MICALL1: variants seen among roughly 807,000 people sequenced by gnomAD.
MICALL1 encodes MICAL-like protein 1.
A neutral mutation model predicts 83.7 loss-of-function variants in MICALL1; 61 were observed. The observed-to-expected ratio is 0.73, with a 90% CI of 0.59 to 0.90. The LOEUF is 0.90. Ranked by LOEUF, MICALL1 falls within the 40% of genes least tolerant of loss-of-function variation. The pLI is 0.00. For synonymous variants in MICALL1, 481 were observed against 473.6 expected (o/e 1.02, Z -0.20); for missense variants, 1,066 against 1,152.0 (o/e 0.93, Z 1.08).
chr22:37,926,081 C>T (rs1384413087), intron 8 of MICALL1, 38 bp downstream of exon 8: 1 of 1,543,032 alleles, frequency 6.5e-7, no homozygotes, highest in Non-Finnish European at 8.7e-7. Context: ...ACAGTCGGAA[C>T]TCGGGGGTGG....
At chr22:37,931,977 C>A in intron 10 of MICALL1, 44 bp downstream of exon 10, 1 of 1,600,082 alleles carries the variant, frequency 6.2e-7, no homozygotes, top group Non-Finnish European at 8.5e-7. Context: ...CCTGGGCTGG[C>A]AACCCCCACT....
chr22:37,932,947 C>T lies in MICALL1; in HGVS notation c.2234+59C>T. 2.5e-6 allele frequency: 4 copies of T among 1,612,054 alleles called. No individual in the cohort carries two copies. Among genetic ancestry groups the T allele is most frequent in the South Asian group, 1.1e-5 (1 of 91,052 alleles). On this transcript the variant is annotated intron_variant, in intron 12 of 15. Coordinates refer to ENST00000215957, the MANE Select transcript of MICALL1 (RefSeq NM_033386.4). This position sits in a 1 kb window ranked among gnomAD's most constrained non-coding sequence, Gnocchi z 4.4. ...AATCCGTAGAGCTTAGAATGGAGAACCCTTACCCTCTTCCCTCATCAGTAA... is the reference window on the plus strand; with the variant it reads ...AATCCGTAGAGCTTAGAATGGAGAATCCTTACCCTCTTCCCTCATCAGTAA...
chr22:37,934,607 T>A (rs181545841), intron 13 of MICALL1, among the ~76,000 whole-genome samples: 1,543 of 151,598 alleles, frequency 0.01, 21 homozygotes, highest in African/African-American at 0.032. Flanking sequence ...TATTATTATT[T>A]TTTTTTTGAG....
Position 37,917,924 on chromosome 22 carries a change from C to T in MICALL1, c.426+129C>T, listed in dbSNP as rs150312217. 1.0e-5 allele frequency: 8 copies of T among 798,224 alleles called. No individual in the cohort carries two copies. The East Asian group carries it at 2.3e-4, about 23-fold the overall frequency. 49.4% of individuals were successfully genotyped at this position (798,224 alleles called of 1,614,324 possible). A position where few individuals can be genotyped will look rare whatever the true frequency, so the allele number is the denominator to read the frequency against. Reference sequence around the variant, plus strand: ...ACAGTGTTCAGAGGGTGCTTGTTCTCTGTCCCTGCCCTATTGGCTTTGGGA... The same window carrying T: ...ACAGTGTTCAGAGGGTGCTTGTTCTTTGTCCCTGCCCTATTGGCTTTGGGA... On this transcript the variant is annotated intron_variant, in intron 4 of 15. Transcript: ENST00000215957.
chr22:37,938,459 T>C (rs2145959147), intron 15 of MICALL1, among the ~76,000 whole-genome samples: 1 of 146,836 alleles, frequency 6.8e-6, no homozygotes, highest in Admixed American at 6.8e-5. Context: ...TTTCTTTTCT[T>C]TTTTTTTTTT....
At chr22:37,917,079 C>T (rs1261208346) in intron 3 of MICALL1, among the ~76,000 whole-genome samples, 1 of 152,040 alleles carries the variant, frequency 6.6e-6, no homozygotes, top group African/African-American at 2.4e-5. Flanking sequence ...ACTATGTTGG[C>T]CAGGCTGGTC....
Position 37,940,821 on chromosome 22 carries a change from CAA to C in MICALL1, c.2584_2585del (p.Lys862GlufsTer24). The part of the protein sequence containing the change: ...RDAKSKSPRD[K>X]S ...ATGCCAAGAGCAAGTCCCCCAGAGACAAGAGCTAACAGCACGAGAAGCCAGTT... is the reference window on the plus strand; with the variant it reads ...ATGCCAAGAGCAAGTCCCCCAGAGACGAGCTAACAGCACGAGAAGCCAGTT... On this transcript the variant is annotated frameshift_variant, in exon 16 of 16. Coordinates refer to ENST00000215957, the MANE Select transcript of MICALL1 (RefSeq NM_033386.4). LOFTEE classifies it high-confidence loss of function. The C allele has an allele frequency of 6.2e-7, 1 of 1,613,930 alleles. No individual in the cohort carries two copies. The highest frequency in any genetic ancestry group is 1.1e-5 in the South Asian group (1 of 91,084).
At position 37,927,587 on chromosome 22, in the gene MICALL1, C is replaced by T; in HGVS notation, c.1642C>T (p.Pro548Ser). The T allele has an allele frequency of 6.2e-7, 1 of 1,613,458 alleles. No homozygotes were observed. Among genetic ancestry groups the T allele is most frequent in the East Asian group, 2.2e-5 (1 of 44,834 alleles). Residue 548 changes from proline (P) to serine (S), a missense_variant, in exon 9 of 16, where the codon CCT becomes TCT. Transcript: ENST00000215957. ...GCCTGCTGTCCATGCCCCTGGTACCCCTGGAAACCCTGTCAGCCTCTCTAC... is the reference window on the plus strand; with the variant it reads ...GCCTGCTGTCCATGCCCCTGGTACCTCTGGAAACCCTGTCAGCCTCTCTAC... ...SEPAVHAPGT[P>S]GNPVSLSTNS... is the part of the protein sequence containing the mutation.
At chr22:37,917,179 C>T (rs1281196617) in intron 3 of MICALL1, among the ~76,000 whole-genome samples, 1 of 152,070 alleles carries the variant, frequency 6.6e-6, no homozygotes, top group Non-Finnish European at 1.5e-5. Context: ...GCCTGAGGAG[C>T]TGAGTCTTAG....
At position 37,922,190 on chromosome 22, in the gene MICALL1, C is replaced by G. The variant is rs1601817662; in HGVS notation, c.788C>G (p.Ala263Gly). 3.7e-6 allele frequency: 6 copies of G among 1,612,586 alleles called. No individual in the cohort carries two copies. The highest frequency in any genetic ancestry group is 5.1e-6 in the Non-Finnish European group (6 of 1,179,844). The change falls in exon 6 of 16, where the codon GCA becomes GGA. Residue 263 changes from alanine (A) to glycine (G), a missense_variant. Coordinates refer to ENST00000215957, the MANE Select transcript of MICALL1 (RefSeq NM_033386.4). Reference protein sequence around the residue: ...PGGGPSSSAPAGAEADGPKAS... With the variant: ...PGGGPSSSAPGGAEADGPKAS... ...GGCGGCCCCAGCTCCAGTGCTCCTG[C>G]AGGGGCTGAGGCCGATGGACCCAAG...
At position 37,906,772 on chromosome 22, in the gene MICALL1, C is replaced by T. The variant is rs1368163751; in HGVS notation, c.146+204C>T. On this transcript the variant is annotated intron_variant, in intron 1 of 15. Coordinates refer to ENST00000215957, the MANE Select transcript of MICALL1 (RefSeq NM_033386.4). This position sits in a 1 kb window ranked among gnomAD's most constrained non-coding sequence, Gnocchi z 4.4. The stretch of plus-strand genomic sequence containing the variant: ...CCCTCCCCCGCCCGGCCGCCCTGAC[C>T]CCGCCCGTGGGATCCCGAACTCTCC... 7 of 247,400 alleles carry T rather than the reference C, an allele frequency of 2.8e-5. No homozygotes were observed. Among genetic ancestry groups the T allele is most frequent in the Non-Finnish European group, 5.0e-5 (7 of 139,000 alleles). The allele number at this position is 247,400 out of a possible 1,614,324, so 15.3% of individuals were successfully genotyped here. A position where few individuals can be genotyped will look rare whatever the true frequency, so the allele number is the denominator to read the frequency against.
chr22:37,936,982 G>A, intron 13 of MICALL1, 98 bp from the exon 14 acceptor site: 1 of 924,670 alleles, frequency 1.1e-6, no homozygotes, highest in Non-Finnish European at 1.7e-6. Flanking sequence ...TATTTAGCAT[G>A]GGGCTGGCCT....
intron 14 of MICALL1, 29 bp downstream of exon 14, chr22:37,937,223 G>A: frequency 6.5e-7 from 1 of 1,528,146 alleles, no homozygotes; most frequent in South Asian, 1.2e-5. Flanking sequence ...GGGGGTCCTG[G>A]GGGCAGGGCC....
At chr22:37,907,834 C>T (rs931606301) in intron 1 of MICALL1, among the ~76,000 whole-genome samples, 1 of 152,176 alleles carries the variant, frequency 6.6e-6, no homozygotes, top group Non-Finnish European at 1.5e-5. Flanking sequence ...GGCCCCTGCC[C>T]GCTGTGGGGC....
At position 37,930,648 on chromosome 22, in the gene MICALL1, G is replaced by T. The variant is rs57339722; in HGVS notation, c.1882-1151G>T. Among the ~76,000 whole-genome samples, 5,038 of 152,300 alleles carry T rather than the reference G, an allele frequency of 0.033. 268 individuals are homozygous for T. Among genetic ancestry groups the T allele is most frequent in the African/African-American group, 0.11 (4,611 of 41,548 alleles). ...GTGACATTGCCCGTGTGGTGGGCAG[G>T]GCCTTGCCGTGCCCTGGCAGTGGAG... On this transcript the variant is annotated intron_variant, in intron 9 of 15. Transcript: ENST00000215957. This position sits in a 1 kb window ranked among gnomAD's most constrained non-coding sequence, Gnocchi z 4.8.
rs540686746 is a variant in MICALL1 at position 37,917,261 on chromosome 22, T to C, written c.338-446T>C. On this transcript the variant is annotated intron_variant, in intron 3 of 15. Transcript: ENST00000215957. ...CCGGGTTCTGGCCCCCAATACCCAC[T>C]TGGGGATAGGCAGGACAGCTCCTTG... Among the ~76,000 whole-genome samples the C allele has an allele frequency of 2.6e-5, 4 of 152,280 alleles. No individual in the cohort carries two copies. In the East Asian group the frequency reaches 7.7e-4, roughly 29 times the overall value.
At chr22:37,907,906 A>T (rs566238443) in intron 1 of MICALL1, among the ~76,000 whole-genome samples, 62 of 152,328 alleles carry the variant, frequency 4.1e-4, no homozygotes, top group Admixed American at 2.0e-3. Flanking sequence ...AGCAGGGGGT[A>T]GAAGGATGGA....
rs1929277643 is a variant in MICALL1, at chr22:37,924,262, C to T, written c.1025-398C>T. Among the ~76,000 whole-genome samples the T allele has an allele frequency of 6.6e-6, 1 of 152,122 alleles. No homozygotes were observed. Among genetic ancestry groups the T allele is most frequent in the Admixed American group, 6.5e-5 (1 of 15,270 alleles). On this transcript the variant is annotated intron_variant, in intron 6 of 15. Coordinates refer to ENST00000215957, the MANE Select transcript of MICALL1 (RefSeq NM_033386.4). The surrounding 1 kb of genome is among the most constrained non-coding windows in gnomAD (Gnocchi z 5.2). ...GAGACAGGCACAGATGCAAGGGTTTCAGTGGATTGTGGAAGTCTTGCTAAG... is the reference window on the plus strand; with the variant it reads ...GAGACAGGCACAGATGCAAGGGTTTTAGTGGATTGTGGAAGTCTTGCTAAG...
At chr22:37,931,636 G>A (rs770277851) in intron 9 of MICALL1, among the ~76,000 whole-genome samples, 163 bp from the exon 10 acceptor site, 3 of 152,188 alleles carry the variant, frequency 2.0e-5, no homozygotes, top group Non-Finnish European at 4.4e-5. Flanking sequence ...TTTATTGAAT[G>A]ACTGAGTGCA....
Sources: gnomAD v4.1 joint callset for allele counts (sites outside exome capture counted in the v4.1 genomes callset) on GRCh38, gnomAD v4.1.1 for gene constraint, Gnocchi (gnomAD v3.1) non-coding constraint, MANE v1.5 for transcripts, NCBI Gene and HGNC (gene_info 2026-07-23, HGNC 2026-07-21) for gene names.